Variants in SCHIP1 observed in about 807,000 individuals in gnomAD.
SCHIP1 encodes the protein schwannomin interacting protein 1.
SCHIP1 carries 8 observed loss-of-function variants against 29.7 expected under a neutral mutation model. The observed-to-expected ratio is 0.27, with a 90% CI of 0.16 to 0.49. SCHIP1 has a LOEUF of 0.49. Among genes scored for constraint, SCHIP1 ranks in the 20% least tolerant of loss-of-function variants. The probability of loss-of-function intolerance (pLI) is 0.99; values close to 1 mark genes in which losing one functional copy is unlikely to be tolerated. For missense variants in SCHIP1, 193 were observed against 294.6 expected (o/e 0.66, Z 2.52); for synonymous variants, 76 against 94.9 (o/e 0.80, Z 1.16).
the SCHIP1 span, among the ~76,000 whole-genome samples, chr3:159,377,112 G>C: frequency 1.3e-5 from 2 of 152,230 alleles, no homozygotes; most frequent in South Asian, 4.1e-4. Context: ...TGATTGCCAG[G>C]GGTTGGAGGT....
At chr3:159,345,604 C>T in the SCHIP1 span, among the ~76,000 whole-genome samples, 1 of 151,906 alleles carries the variant, frequency 6.6e-6, no homozygotes, top group African/African-American at 2.4e-5. Context: ...CTCACACCCT[C>T]ATGCTCATTT....
the SCHIP1 span, among the ~76,000 whole-genome samples, chr3:159,624,504 T>A: frequency 3.4e-4 from 51 of 152,146 alleles, no homozygotes; most frequent in African/African-American, 1.1e-3. Flanking sequence ...GCAGGGTAAT[T>A]AGGGAGAAAC....
At chr3:159,833,691 C>T in the SCHIP1 span, among the ~76,000 whole-genome samples, 2 of 152,156 alleles carry the variant, frequency 1.3e-5, no homozygotes, top group Non-Finnish European at 2.9e-5. Flanking sequence ...GCAAAAGACC[C>T]CTAAATTCTA....
the SCHIP1 span, among the ~76,000 whole-genome samples, chr3:159,432,286 ATGTGTGTGTG>A: frequency 0.032 from 3,444 of 107,910 alleles, 118 homozygotes; most frequent in African/African-American, 0.099. Flanking sequence ...AGAGTAGGTG[ATGTGTGTGTG>A]TGTGTGTGTG....
At chr3:159,652,905 C>A in the SCHIP1 span, among the ~76,000 whole-genome samples, 1 of 151,996 alleles carries the variant, frequency 6.6e-6, no homozygotes, top group Non-Finnish European at 1.5e-5. Flanking sequence ...TAAAATAAGC[C>A]AAGCACAAAA....
At chr3:159,571,590 T>G in the SCHIP1 span, among the ~76,000 whole-genome samples, 2 of 151,596 alleles carry the variant, frequency 1.3e-5, no homozygotes, top group Non-Finnish European at 1.5e-5. Context: ...CTAAAATTCT[T>G]TTTTGTTGTG....
chr3:159,889,089 T>C lies in SCHIP1; in HGVS notation c.589+146T>C, dbSNP rs1465038686. 3.4e-6 allele frequency: 4 copies of C among 1,180,554 alleles called. No individual in the cohort carries two copies. In the Admixed American group the frequency reaches 9.4e-5, roughly 28 times the overall value. The allele number at this position is 1,180,554 out of a possible 1,614,324, so 73.1% of individuals were successfully genotyped here. A position where few individuals can be genotyped will look rare whatever the true frequency, so the allele number is the denominator to read the frequency against. ...AAATAAGAGAATCACAAGGCTCTTT[T>C]TTGTTGCTGTTGTTTTAGCTGTAAA... On this transcript the variant is annotated intron_variant, in intron 5 of 6. Transcript: ENST00000445224.
the SCHIP1 span, among the ~76,000 whole-genome samples, chr3:159,394,726 A>C: frequency 0.01 from 1,531 of 152,304 alleles, 35 homozygotes; most frequent in African/African-American, 0.035. Flanking sequence ...CCAGTATTTT[A>C]TTGAGGATTT....
the SCHIP1 span, among the ~76,000 whole-genome samples, chr3:159,303,915 G>T: frequency 1.3e-5 from 2 of 151,600 alleles, no homozygotes; most frequent in African/African-American, 4.9e-5. Flanking sequence ...ACATTGTGCA[G>T]GTTAGTTACG....
chr3:159,590,406 T>C, the SCHIP1 span, among the ~76,000 whole-genome samples: 4 of 152,080 alleles, frequency 2.6e-5, no homozygotes, highest in African/African-American at 9.7e-5. Context: ...TGAAACCCCA[T>C]TTCTGCTAAA....
At chr3:159,369,161 T>C in the SCHIP1 span, among the ~76,000 whole-genome samples, 7 of 152,224 alleles carry the variant, frequency 4.6e-5, no homozygotes, top group South Asian at 2.1e-4. Flanking sequence ...ATGATATCAA[T>C]GACAATTTTC....
At chr3:159,341,438 C>A in the SCHIP1 span, among the ~76,000 whole-genome samples, 1 of 152,046 alleles carries the variant, frequency 6.6e-6, no homozygotes, top group Non-Finnish European at 1.5e-5. Context: ...GGCAAATTAC[C>A]CCTCATACTG....
At chr3:159,597,096 C>G in the SCHIP1 span, among the ~76,000 whole-genome samples, 1 of 151,946 alleles carries the variant, frequency 6.6e-6, no homozygotes, top group South Asian at 2.1e-4. Context: ...ACTCAGTTTC[C>G]TACTCCAGAA....
At chr3:159,614,690 C>T in the SCHIP1 span, among the ~76,000 whole-genome samples, 1 of 152,108 alleles carries the variant, frequency 6.6e-6, no homozygotes, top group Non-Finnish European at 1.5e-5. Flanking sequence ...TAGTTTAAAC[C>T]GCTGTGTTTA....
chr3:159,457,005 C>A, the SCHIP1 span, among the ~76,000 whole-genome samples: 1 of 151,898 alleles, frequency 6.6e-6, no homozygotes, highest in African/African-American at 2.4e-5. Context: ...AAAATAAAAC[C>A]CTTACTATAA....
the SCHIP1 span, among the ~76,000 whole-genome samples, chr3:159,644,851 T>C: frequency 2.0e-5 from 3 of 152,188 alleles, no homozygotes; most frequent in African/African-American, 7.2e-5. Context: ...ACCTACCATA[T>C]GCAGAAATTT....
chr3:159,667,195 G>T, the SCHIP1 span, among the ~76,000 whole-genome samples: 1 of 152,134 alleles, frequency 6.6e-6, no homozygotes, highest in Non-Finnish European at 1.5e-5. Context: ...AAGCAGACAA[G>T]AATCATTTAA....
chr3:159,811,978 T>TC, the SCHIP1 span, among the ~76,000 whole-genome samples: 1 of 107,290 alleles, frequency 9.3e-6, no homozygotes, highest in Non-Finnish European at 2.0e-5. Flanking sequence ...GTTTTTGTTT[T>TC]TGTTTTTTTT....
At chr3:159,359,442 T>C in the SCHIP1 span, among the ~76,000 whole-genome samples, 7,452 of 152,206 alleles carry the variant, frequency 0.049, 636 homozygotes, top group African/African-American at 0.17. Flanking sequence ...TCCTGAGTCT[T>C]TATTTTAAAA....
Sources: gnomAD v4.1 joint callset for allele counts (sites outside exome capture counted in the v4.1 genomes callset) on GRCh38, gnomAD v4.1.1 for gene constraint, MANE v1.5 for transcripts, NCBI Gene and HGNC (gene_info 2026-07-23, HGNC 2026-07-21) for gene names.